Variants in ARMC3 observed in about 807,000 individuals in gnomAD.
ARMC3 encodes the protein armadillo repeat-containing protein 3.
Under a neutral mutation model 90.3 loss-of-function variants are expected in ARMC3, and 74 were observed. That is an observed-to-expected ratio of 0.82 (90% CI 0.68 to 0.99). The LOEUF is 0.99. ARMC3 is among the 50% of genes least tolerant of loss of function. The probability of loss-of-function intolerance (pLI) is 0.00; values close to 1 mark genes in which losing one functional copy is unlikely to be tolerated. For missense variants in ARMC3, 958 were observed against 1,042.8 expected (o/e 0.92, Z 1.12); for synonymous variants, 334 against 361.8 (o/e 0.92, Z 0.87).
rs768769151 is a variant in ARMC3, at chr10:23,007,050, C to T, written c.1829+69C>T. On this transcript the variant is annotated intron_variant, in intron 14 of 18. Transcript: ENST00000298032. The stretch of plus-strand genomic sequence containing the variant: ...CTTGTTGTTGTTGTTTCTCCACCAA[C>T]GTGTGAATATGCAAAGATTCCCAGA... 36 of 1,283,904 alleles carry T rather than the reference C, an allele frequency of 2.8e-5. 2 individuals are homozygous for T. The highest frequency in any genetic ancestry group is 9.4e-5 in the East Asian group (4 of 42,666). 79.5% of individuals were successfully genotyped at this position (1,283,904 alleles called of 1,614,324 possible). A position where few individuals can be genotyped will look rare whatever the true frequency, so the allele number is the denominator to read the frequency against.
chr10:22,929,582 C>G (rs1588795623), intron 1 of ARMC3, among the ~76,000 whole-genome samples: 1 of 152,160 alleles, frequency 6.6e-6, no homozygotes, highest in Non-Finnish European at 1.5e-5. Flanking sequence ...GAGTCTCGCT[C>G]TGTCACCCAG....
At position 22,959,429 on chromosome 10, in the gene ARMC3, T is replaced by A; in HGVS notation, c.392T>A (p.Leu131His). ...EEVVIHEFASLCLANMSAEYT... is the reference protein window; with the variant it reads ...EEVVIHEFASHCLANMSAEYT... ...GTAGTTATCCATGAGTTTGCTAGTC[T>A]TTGTCTAGCAAACATGTCTGCAGAG... Residue 131 changes from leucine to histidine, a missense_variant, in exon 6 of 19, where the codon CTT becomes CAT. Leu to His is a moderately conservative substitution (Grantham distance 99). Transcript: ENST00000298032. The A allele has an allele frequency of 6.2e-7, 1 of 1,607,488 alleles. No homozygotes were observed. The highest frequency in any genetic ancestry group is 1.7e-5 in the Admixed American group (1 of 58,098).
At chr10:23,028,179 T>G (rs1200472856) in intron 16 of ARMC3, among the ~76,000 whole-genome samples, 1 of 152,142 alleles carries the variant, frequency 6.6e-6, no homozygotes, top group Non-Finnish European at 1.5e-5. Context: ...AACAATTTTG[T>G]TCTGGGTGTT....
chr10:23,024,168 T>A lies in ARMC3; in HGVS notation c.2046-6428T>A, dbSNP rs143599114. On this transcript the variant is annotated intron_variant, in intron 16 of 18. Transcript: ENST00000298032. ...TGAAACTATAGAAGCCAGGTGGAAGTGGCATGTTTTTCAAGTGCTGAAAGA... is the reference window on the plus strand; with the variant it reads ...TGAAACTATAGAAGCCAGGTGGAAGAGGCATGTTTTTCAAGTGCTGAAAGA... Among the ~76,000 whole-genome samples, 499 of 152,238 alleles carry A rather than the reference T, an allele frequency of 3.3e-3. 3 individuals are homozygous for A. The highest frequency in any genetic ancestry group is 0.011 in the African/African-American group (470 of 41,556).
chr10:22,988,018 A>G (rs1007351385), intron 10 of ARMC3, among the ~76,000 whole-genome samples: 2 of 152,204 alleles, frequency 1.3e-5, no homozygotes, highest in Non-Finnish European at 2.9e-5. Flanking sequence ...GTACACTCCA[A>G]AGGGACTCCA....
At chr10:22,982,332 C>T (rs534298046) in intron 10 of ARMC3, among the ~76,000 whole-genome samples, 5 of 152,294 alleles carry the variant, frequency 3.3e-5, no homozygotes, top group East Asian at 1.9e-4. Flanking sequence ...GAGCCGAGCT[C>T]GTGCCATTGC....
chr10:23,010,323 A>T (rs1588916272), intron 16 of ARMC3, among the ~76,000 whole-genome samples: 2 of 81,930 alleles, frequency 2.4e-5, no homozygotes, highest in East Asian at 3.8e-4. Flanking sequence ...CTTCCTTCCC[A>T]TTCCCTGACC....
chr10:23,003,313 TATA>T lies in ARMC3; in HGVS notation c.1635_1637del (p.Asn545del), dbSNP rs748994868. On this transcript the variant is annotated inframe_deletion, in exon 13 of 19. Coordinates refer to ENST00000298032, the MANE Select transcript of ARMC3 (RefSeq NM_173081.5). ...GAAAAATAAATTCAGTGAGGCAGCT[TATA>T]ATAAGTTGCTCAATAACAATCTTTC... The T allele has an allele frequency of 8.7e-6, 14 of 1,613,656 alleles. No homozygotes were observed. The highest frequency in any genetic ancestry group is 4.0e-5 in the African/African-American group (3 of 74,926).
rs1233650062 is a variant in ARMC3, at chr10:23,037,311, C to T, written c.2451C>T (p.Arg817=). The change falls in exon 19 of 19, where the codon CGC becomes CGT. Residue 817 remains arginine (R), a synonymous_variant. Coordinates refer to ENST00000298032, the MANE Select transcript of ARMC3 (RefSeq NM_173081.5). ...TTGGCATTGGTTGCTCCCTAGTTCG[C>T]GGAGAGTACGGTAGAGCGTGGAATG... ...DRIGIGCSLV[R]GEYGRAWNEV... is the part of the protein sequence containing the mutation. 7.5e-6 allele frequency: 12 copies of T among 1,608,984 alleles called. No individual in the cohort carries two copies. The highest frequency in any genetic ancestry group is 9.3e-6 in the Non-Finnish European group (11 of 1,176,622).
At chr10:23,037,239 C>T in intron 18 of ARMC3, 31 bp from the exon 19 acceptor site, 1 of 1,549,362 alleles carries the variant, frequency 6.5e-7, no homozygotes, top group Non-Finnish European at 8.8e-7. Flanking sequence ...TCCCGCACCA[C>T]CCTTGGTTGA....
At chr10:23,024,312 C>A (rs989923874) in intron 16 of ARMC3, among the ~76,000 whole-genome samples, 4 of 152,036 alleles carry the variant, frequency 2.6e-5, no homozygotes. Flanking sequence ...CCTATCCTAA[C>A]AGATTGGCTA....
At chr10:23,011,223 A>T (rs1838000515) in intron 16 of ARMC3, among the ~76,000 whole-genome samples, 1 of 152,128 alleles carries the variant, frequency 6.6e-6, no homozygotes, top group Non-Finnish European at 1.5e-5. Context: ...AGGCATTCAC[A>T]TTTATTCAAA....
In ARMC3 at chr10:22,987,174, G is replaced by A. The variant is rs756943433; in HGVS notation, c.1175+5474G>A. On this transcript the variant is annotated intron_variant, in intron 10 of 18. Transcript: ENST00000298032. Reference sequence around the variant, plus strand: ...GAGAAAACCGTTTATTTTTGACATAGGAAATATTGTTTTCAGCTAAATTTC... The same window carrying A: ...GAGAAAACCGTTTATTTTTGACATAAGAAATATTGTTTTCAGCTAAATTTC... Among the ~76,000 whole-genome samples the A allele has an allele frequency of 7.3e-4, 111 of 152,168 alleles. 1 individual carries two copies. Among genetic ancestry groups the A allele is most frequent in the Non-Finnish European group, 2.1e-4 (14 of 67,976 alleles).
intron 1 of ARMC3, among the ~76,000 whole-genome samples, chr10:22,929,969 T>C (rs1223848784): frequency 6.6e-6 from 1 of 152,164 alleles, no homozygotes; most frequent in Non-Finnish European, 1.5e-5. Flanking sequence ...AAAAACACTA[T>C]CCTGAAGTAG....
intron 16 of ARMC3, among the ~76,000 whole-genome samples, chr10:23,012,989 C>T (rs1038095907): frequency 2.6e-5 from 4 of 151,332 alleles, no homozygotes; most frequent in Non-Finnish European, 5.9e-5. Context: ...CCCAGGTTCA[C>T]GCAATTCTCG....
chr10:22,940,721 A>G (rs993812761), intron 2 of ARMC3, among the ~76,000 whole-genome samples: 2 of 152,184 alleles, frequency 1.3e-5, no homozygotes, highest in Non-Finnish European at 2.9e-5. Flanking sequence ...CTCGGCCTCA[A>G]GTGATTCTCC....
intron 2 of ARMC3, among the ~76,000 whole-genome samples, chr10:22,940,265 A>G (rs1834275158): frequency 6.6e-6 from 1 of 152,252 alleles, no homozygotes; most frequent in Non-Finnish European, 1.5e-5. Flanking sequence ...AGTTTAAGAT[A>G]CATGATGGCA....
chr10:23,008,790 T>C, intron 15 of ARMC3, 25 bp from the exon 16 acceptor site: 1 of 1,564,974 alleles, frequency 6.4e-7, no homozygotes, highest in South Asian at 1.1e-5. Context: ...TTGAAATTGG[T>C]TGTGGTTTTT....
intron 2 of ARMC3, among the ~76,000 whole-genome samples, chr10:22,937,828 C>T (rs745503778): frequency 1.3e-5 from 2 of 152,156 alleles, no homozygotes; most frequent in Non-Finnish European, 2.9e-5. Flanking sequence ...GTACTACCAT[C>T]ACCCCAGTAT....
Sources: gnomAD v4.1 joint callset for allele counts (sites outside exome capture counted in the v4.1 genomes callset) on GRCh38, gnomAD v4.1.1 for gene constraint, MANE v1.5 for transcripts, NCBI Gene and HGNC (gene_info 2026-07-23, HGNC 2026-07-21) for gene names.